BAHCC1: variants seen among roughly 807,000 people sequenced by gnomAD.
BAHCC1 encodes BAH domain and coiled-coil containing 1, also known as BAH and coiled-coil domain-containing protein 1.
BAHCC1 carries 43 observed loss-of-function variants against 88.2 expected under a neutral mutation model. The ratio of observed to expected loss-of-function variants is 0.49; its 90% CI spans 0.38 to 0.63. The LOEUF (loss-of-function observed/expected upper bound fraction) is 0.63, where lower values mean the gene tolerates loss of function less well. Ranked by LOEUF, BAHCC1 falls within the 20% of genes least tolerant of loss-of-function variation. The probability of loss-of-function intolerance (pLI) is 0.00; values close to 1 mark genes in which losing one functional copy is unlikely to be tolerated. For synonymous variants in BAHCC1, 1,510 were observed against 745.5 expected (o/e 2.03, Z -16.71); for missense variants, 3,023 against 1,654.8 (o/e 1.83, Z -14.34).
Position 81,463,518 on chromosome 17 carries a change from T to TA in BAHCC1, c.7621-92dup, listed in dbSNP as rs1308294157. On this transcript the variant is annotated intron_variant, in intron 27 of 27. Transcript: ENST00000675386. ...ACACAGAAGTCCATCCGGTGACCCT[T>TA]ACAGAGCATGGGTGGGCGGGTGGTC... 42 of 735,288 alleles carry TA rather than the reference T, an allele frequency of 5.7e-5. No homozygotes were observed. In the Middle Eastern group the frequency reaches 6.9e-4, roughly 12 times the overall value. The allele number at this position is 735,288 out of a possible 1,614,324, so 45.5% of individuals were successfully genotyped here.
At chr17:81,406,160 C>T (rs1383955208) in intron 2 of BAHCC1, among the ~76,000 whole-genome samples, 3 of 152,250 alleles carry the variant, frequency 2.0e-5, no homozygotes, top group African/African-American at 4.8e-5. Context: ...AAGACAGGCA[C>T]TGCCTTGTTC....
In BAHCC1 at chr17:81,399,011, G is replaced by T. The variant is rs374152401; in HGVS notation, c.-206-523G>T. 2.0e-5 allele frequency among the ~76,000 whole-genome samples: 3 copies of T among 152,114 alleles called. No individual in the cohort carries two copies. Among genetic ancestry groups the T allele is most frequent in the East Asian group, 3.9e-4 (2 of 5,174 alleles). On this transcript the variant is annotated intron_variant, in intron 1 of 27. Coordinates refer to ENST00000675386, the MANE Select transcript of BAHCC1 (RefSeq NM_001377448.1). This position sits in a 1 kb window ranked among gnomAD's most constrained non-coding sequence, Gnocchi z 4.5. ...GCATGGTTATTCGGTTAAGCGGAAT[G>T]CAGTAAAAGCTGGACCTCGGCATGA...
chr17:81,450,788 G>T (rs899742812), intron 11 of BAHCC1, among the ~76,000 whole-genome samples: 1 of 152,220 alleles, frequency 6.6e-6, no homozygotes. Flanking sequence ...GAGGGCCTGG[G>T]GTCCCAGCTA....
At chr17:81,430,084 G>A (rs1045178878) in intron 3 of BAHCC1, among the ~76,000 whole-genome samples, 1 of 152,050 alleles carries the variant, frequency 6.6e-6, no homozygotes, top group Non-Finnish European at 1.5e-5. Flanking sequence ...GGGTGGGGGC[G>A]GGAGGCGGAA....
At position 81,444,514 on chromosome 17, in the gene BAHCC1, C is replaced by G. The variant is rs1555653730; in HGVS notation, c.2458C>G (p.Pro820Ala). Residue 820 changes from proline (P) to alanine (A), a missense_variant, in exon 7 of 28, where the codon CCC becomes GCC. Physicochemically the swap from Pro to Ala is conservative, Grantham distance 27 (BLOSUM62 -1). Transcript: ENST00000675386. ...DPAPHTHPHP[P>A]WLPRTRSPSL... Reference sequence around the variant, plus strand: ...AGCCCCCCACACCCACCCCCATCCCCCCTGGCTGCCCCGCACCCGCAGCCC... The same window carrying G: ...AGCCCCCCACACCCACCCCCATCCCGCCTGGCTGCCCCGCACCCGCAGCCC... The G allele has an allele frequency of 2.9e-6, 2 of 696,434 alleles. No homozygotes were observed. Among genetic ancestry groups the G allele is most frequent in the South Asian group, 3.1e-5 (2 of 65,114 alleles). The allele number at this position is 696,434 out of a possible 1,614,324, so 43.1% of individuals were successfully genotyped here. A position where few individuals can be genotyped will look rare whatever the true frequency, so the allele number is the denominator to read the frequency against.
At position 81,399,161 on chromosome 17, in the gene BAHCC1, G is replaced by A. The variant is rs1555645439; in HGVS notation, c.-206-373G>A. The A allele has an allele frequency of 2.5e-6, 1 of 407,782 alleles. No homozygotes were observed. The highest frequency in any genetic ancestry group is 1.7e-5 in the South Asian group (1 of 60,408). 25.3% of individuals were successfully genotyped at this position (407,782 alleles called of 1,614,324 possible). On this transcript the variant is annotated intron_variant, in intron 1 of 27. Coordinates refer to ENST00000675386, the MANE Select transcript of BAHCC1 (RefSeq NM_001377448.1). The surrounding 1 kb of genome is among the most constrained non-coding windows in gnomAD (Gnocchi z 4.5). ...TGTGTGTGTGTGTGTGTGCGAGTGT[G>A]CGTGATGGCTTCGCAGATTTGGGTT...
chr17:81,462,629 C>T, intron 26 of BAHCC1, 111 bp from the exon 27 acceptor site: 1 of 636,390 alleles, frequency 1.6e-6, no homozygotes, highest in Non-Finnish European at 2.8e-6. Context: ...CCTGCACACT[C>T]ACACTCAGAC....
intron 6 of BAHCC1, 86 bp from the exon 7 acceptor site, chr17:81,444,295 G>T: frequency 1.5e-6 from 1 of 671,642 alleles, no homozygotes; most frequent in Non-Finnish European, 2.7e-6. Flanking sequence ...TGAGCCCCAG[G>T]TCTTACAGAG....
chr17:81,417,894 T>G (rs533529961), intron 2 of BAHCC1, among the ~76,000 whole-genome samples: 1 of 152,248 alleles, frequency 6.6e-6, no homozygotes, highest in East Asian at 1.9e-4. Flanking sequence ...CATGGCTGCA[T>G]GCTCTTGGCC....
chr17:81,444,417 C>A lies in BAHCC1; in HGVS notation c.2361C>A (p.His787Gln). Residue 787 changes from histidine (H) to glutamine (Q), a missense_variant, in exon 7 of 28, where the codon CAC becomes CAA. Physicochemically the swap from His to Gln is conservative, Grantham distance 24. Transcript: ENST00000675386. ...ACCGCGTAGAGTTCGCCCGGATCCA[C>A]CCACCGAGCAGCTGCCCTGGGGACC... is the stretch of plus-strand genomic sequence containing the variant. ...SKDRVEFARI[H>Q]PPSSCPGDLA... The A allele has an allele frequency of 1.3e-6, 1 of 749,996 alleles. No homozygotes were observed. The highest frequency in any genetic ancestry group is 2.5e-5 in the East Asian group (1 of 39,414). 46.5% of individuals were successfully genotyped at this position (749,996 alleles called of 1,614,324 possible).
At chr17:81,406,472 C>G (rs1184493993) in intron 2 of BAHCC1, among the ~76,000 whole-genome samples, 2 of 151,858 alleles carry the variant, frequency 1.3e-5, no homozygotes, top group Admixed American at 1.3e-4. Context: ...GTGTAACAAG[C>G]AAAAAAAACA....
intron 11 of BAHCC1, among the ~76,000 whole-genome samples, chr17:81,448,146 CAG>C (rs557665278): frequency 2.5e-3 from 384 of 152,292 alleles, no homozygotes; most frequent in Admixed American, 5.4e-3. Flanking sequence ...AGTGGCTGAA[CAG>C]GGGCTCGCGT....
chr17:81,449,028 G>A (rs1555655202), intron 11 of BAHCC1, among the ~76,000 whole-genome samples: 2 of 152,236 alleles, frequency 1.3e-5, no homozygotes. Flanking sequence ...GGAGGCGTCA[G>A]TAGATAGCAG....
intron 2 of BAHCC1, among the ~76,000 whole-genome samples, chr17:81,407,956 G>A (rs753615771): frequency 1.3e-5 from 2 of 152,170 alleles, no homozygotes; most frequent in African/African-American, 2.4e-5. Flanking sequence ...TGCCCCCTAC[G>A]TCCTCCCCAA....
At chr17:81,437,800 C>T (rs1279274164) in intron 3 of BAHCC1, among the ~76,000 whole-genome samples, 1 of 152,226 alleles carries the variant, frequency 6.6e-6, no homozygotes, top group East Asian at 1.9e-4. Context: ...CCTTCCCCAC[C>T]CTGTGCAGAT....
chr17:81,406,633 G>T (rs115444428), intron 2 of BAHCC1, among the ~76,000 whole-genome samples: 4 of 152,224 alleles, frequency 2.6e-5, no homozygotes, highest in Non-Finnish European at 5.9e-5. Context: ...TTTCGCTCAC[G>T]CAGGCCTATT....
chr17:81,417,702 G>A (rs2064053368), intron 2 of BAHCC1, among the ~76,000 whole-genome samples: 1 of 152,234 alleles, frequency 6.6e-6, no homozygotes, highest in Admixed American at 6.5e-5. Flanking sequence ...TTTCCACGCT[G>A]ATTGGGTTGG....
rs1555652029 is a variant in BAHCC1, at chr17:81,438,389, T to A, written c.378T>A (p.Phe126Leu). Residue 126 changes from phenylalanine (F) to leucine (L), a missense_variant, in exon 4 of 28, where the codon TTT (phenylalanine) becomes TTA (leucine). Phe to Leu is a conservative substitution (Grantham distance 22). Transcript: ENST00000675386. Reference sequence around the variant, plus strand: ...CTCTAGCTCCGGGGTACCCCAGATTTTCGGGGAGTCTGGCATCCACCTTCC... The same window carrying A: ...CTCTAGCTCCGGGGTACCCCAGATTATCGGGGAGTCTGGCATCCACCTTCC... ...HSHEAPGYPR[F>L]SGSLASTFLP... 1 of 778,876 alleles carries A rather than the reference T, an allele frequency of 1.3e-6. No individual in the cohort carries two copies. The highest frequency in any genetic ancestry group is 2.4e-6 in the Non-Finnish European group (1 of 417,640). 48.2% of individuals were successfully genotyped at this position (778,876 alleles called of 1,614,324 possible). A position where few individuals can be genotyped will look rare whatever the true frequency, so the allele number is the denominator to read the frequency against.
At position 81,463,704 on chromosome 17, in the gene BAHCC1, A is replaced by G. The variant is rs781993864; in HGVS notation, c.7714A>G (p.Met2572Val). The change falls in exon 28 of 28, where the codon ATG becomes GTG. Residue 2572 changes from methionine (M) to valine (V), a missense_variant. Coordinates refer to ENST00000675386, the MANE Select transcript of BAHCC1 (RefSeq NM_001377448.1). ...QVVAREQYEQ[M>V]ARSRKCQDRQ... ...CGTGGCGCGCGAGCAGTATGAGCAG[A>G]TGGCCCGGAGCCGCAAGTGCCAGGA... is the stretch of plus-strand genomic sequence containing the variant. The G allele has an allele frequency of 5.1e-6, 4 of 779,620 alleles. No homozygotes were observed. Among genetic ancestry groups the G allele is most frequent in the South Asian group, 2.7e-5 (2 of 74,622 alleles). 48.3% of individuals were successfully genotyped at this position (779,620 alleles called of 1,614,324 possible). A position where few individuals can be genotyped will look rare whatever the true frequency, so the allele number is the denominator to read the frequency against.
Sources: allele counts gnomAD v4.1 joint callset (sites outside exome capture counted in the v4.1 genomes callset), GRCh38; gene constraint gnomAD v4.1.1; non-coding constraint Gnocchi (gnomAD v3.1); transcripts MANE v1.5; gene names NCBI Gene and HGNC (gene_info 2026-07-23, HGNC 2026-07-21).